SDK1: variants seen among roughly 807,000 people sequenced by gnomAD.
The protein encoded by SDK1 is sidekick cell adhesion molecule 1.
SDK1 carries 157 observed loss-of-function variants against 245.5 expected under a neutral mutation model. The ratio of observed to expected loss-of-function variants is 0.64; its 90% CI spans 0.56 to 0.73. The LOEUF is 0.73. SDK1 is among the 30% of genes least tolerant of loss of function. The pLI is 0.00. For missense variants in SDK1, 3,583 were observed against 3,002.3 expected, an observed-to-expected ratio of 1.19 and a Z score of -4.52; for synonymous variants, 1,647 against 1,278.5, an observed-to-expected ratio of 1.29 and a Z score of -6.15.
intron 13 of SDK1, among the ~76,000 whole-genome samples, chr7:3,977,457 G>T (rs769013557): frequency 7.2e-5 from 11 of 152,192 alleles, no homozygotes; most frequent in Admixed American, 1.3e-4. Context: ...TGTACGCATG[G>T]GGCAGCCAGG....
In SDK1 at chr7:3,942,029, C is replaced by G. The variant is rs374000719; in HGVS notation, c.848-8894C>G. On this transcript the variant is annotated intron_variant, in intron 5 of 44. Coordinates refer to ENST00000404826, the MANE Select transcript of SDK1 (RefSeq NM_152744.4). ...GTTCATGCCATTCTCCTGCCTCAGC[C>G]TCCCGTAGCTGGGACTACAGGCGCC... 4.3e-4 allele frequency among the ~76,000 whole-genome samples: 66 copies of G among 152,012 alleles called. No individual in the cohort carries two copies. The South Asian group carries it at 0.013, about 31-fold the overall frequency.
intron 1 of SDK1, among the ~76,000 whole-genome samples, chr7:3,616,330 C>A (rs933952456): frequency 6.6e-6 from 1 of 152,212 alleles, no homozygotes. Flanking sequence ...GACAGTCACG[C>A]AACGATGAGG....
intron 14 of SDK1, among the ~76,000 whole-genome samples, chr7:3,997,074 C>T (rs567868479): frequency 6.6e-6 from 1 of 152,308 alleles, no homozygotes; most frequent in South Asian, 2.1e-4. Context: ...TTCTTCCTGG[C>T]CCTTTCTAGT....
intron 1 of SDK1, among the ~76,000 whole-genome samples, chr7:3,591,493 C>G (rs1780874386): frequency 6.6e-6 from 1 of 152,248 alleles, no homozygotes; most frequent in African/African-American, 2.4e-5. Flanking sequence ...TTGTGAAAGT[C>G]ATAAAATTAA....
In SDK1 at chr7:3,781,337, C is replaced by T. The variant is rs538120071; in HGVS notation, c.714-40113C>T. 3.9e-5 allele frequency among the ~76,000 whole-genome samples: 6 copies of T among 152,190 alleles called. No individual in the cohort carries two copies. In the South Asian group the frequency reaches 1.2e-3, roughly 32 times the overall value. ...CCTGACATCAGAGCAAAAGCAGCAG[C>T]CCAACTAAGTTGTGAACTCTCATGA... On this transcript the variant is annotated intron_variant, in intron 4 of 44. Transcript: ENST00000404826.
In SDK1 at chr7:3,653,719, GGC is replaced by G. The variant is rs555330745; in HGVS notation, c.713+11615_713+11616del. ...AGAGGAGAAACGGGTTGGGAGTGCT[GGC>G]TCACAGCTGTGATGAGGGTTTGCTC... On this transcript the variant is annotated intron_variant, in intron 4 of 44. Transcript: ENST00000404826. Among the ~76,000 whole-genome samples the G allele has an allele frequency of 6.8e-3, 1,029 of 152,292 alleles. 4 individuals are homozygous for G. The highest frequency in any genetic ancestry group is 9.1e-3 in the Admixed American group (139 of 15,298).
chr7:3,682,045 A>G (rs765075544), intron 4 of SDK1, among the ~76,000 whole-genome samples: 1 of 152,230 alleles, frequency 6.6e-6, no homozygotes, highest in Non-Finnish European at 1.5e-5. Context: ...ACAGCCTTAT[A>G]TCAGTTAAAG....
intron 1 of SDK1, among the ~76,000 whole-genome samples, chr7:3,372,300 G>A (rs1273756076): frequency 1.3e-5 from 2 of 152,170 alleles, no homozygotes; most frequent in Non-Finnish European, 2.9e-5. Context: ...TCCCAAGCTA[G>A]TCCAACACAA....
intron 5 of SDK1, among the ~76,000 whole-genome samples, chr7:3,830,677 T>C (rs1779892007): frequency 6.6e-6 from 1 of 152,092 alleles, no homozygotes; most frequent in African/African-American, 2.4e-5. Flanking sequence ...TAAAAAATTT[T>C]TGTGGAGACA....
At chr7:3,444,938 C>G (rs1332221558) in intron 1 of SDK1, among the ~76,000 whole-genome samples, 2 of 152,136 alleles carry the variant, frequency 1.3e-5, no homozygotes, top group African/African-American at 4.8e-5. Context: ...CTATTTCCTA[C>G]TTACAAACTA....
chr7:3,906,091 C>G (rs1778906149), intron 5 of SDK1, among the ~76,000 whole-genome samples: 1 of 152,040 alleles, frequency 6.6e-6, no homozygotes, highest in African/African-American at 2.4e-5. Flanking sequence ...TGGAAACTTT[C>G]CTCAATCTCT....
chr7:3,935,308 C>G (rs745395096), intron 5 of SDK1, among the ~76,000 whole-genome samples: 4 of 152,134 alleles, frequency 2.6e-5, no homozygotes, highest in Non-Finnish European at 5.9e-5. Context: ...AACTATAAAA[C>G]TCCTAGAAGA....
chr7:3,785,185 A>T (rs1780861131), intron 4 of SDK1, among the ~76,000 whole-genome samples: 1 of 152,126 alleles, frequency 6.6e-6, no homozygotes, highest in Non-Finnish European at 1.5e-5. Flanking sequence ...AATAATGGTT[A>T]TCGAGGCTGG....
intron 1 of SDK1, among the ~76,000 whole-genome samples, chr7:3,471,061 A>T (rs1470729479): frequency 5.3e-5 from 8 of 152,164 alleles, no homozygotes; most frequent in Admixed American, 5.2e-4. Flanking sequence ...CAATTATTTT[A>T]TCTGTTTGAG....
chr7:4,030,783 C>T (rs1022233276), intron 17 of SDK1, among the ~76,000 whole-genome samples: 1 of 152,214 alleles, frequency 6.6e-6, no homozygotes, highest in African/African-American at 2.4e-5. Context: ...TTTCATCTGG[C>T]AATTATCACT....
intron 32 of SDK1, among the ~76,000 whole-genome samples, chr7:4,166,250 G>A (rs2128214471): frequency 6.6e-6 from 1 of 152,340 alleles, no homozygotes; most frequent in African/African-American, 2.4e-5. Context: ...CACATCTTGG[G>A]GCTGTTTCTT....
At chr7:3,678,964 G>A (rs561068288) in intron 4 of SDK1, among the ~76,000 whole-genome samples, 2 of 152,056 alleles carry the variant, frequency 1.3e-5, no homozygotes, top group African/African-American at 2.4e-5. Context: ...CAAAACATAC[G>A]AGAGATTTAA....
At chr7:3,655,448 AAT>A (rs1194322286) in intron 4 of SDK1, among the ~76,000 whole-genome samples, 915 of 66,052 alleles carry the variant, frequency 0.014, 27 homozygotes, top group African/African-American at 0.044. Context: ...AAACAAAACA[AAT>A]ATATATATAT....
At chr7:3,960,974 A>G (rs999537414) in intron 8 of SDK1, among the ~76,000 whole-genome samples, 2 of 152,186 alleles carry the variant, frequency 1.3e-5, no homozygotes, top group African/African-American at 2.4e-5. Context: ...CAAAATAGAA[A>G]TACTCCCAGT....
Sources: allele counts gnomAD v4.1 joint callset (sites outside exome capture counted in the v4.1 genomes callset), GRCh38; gene constraint gnomAD v4.1.1; transcripts MANE v1.5; gene names NCBI Gene and HGNC (gene_info 2026-07-23, HGNC 2026-07-21).